INPP5B: variants seen among roughly 807,000 people sequenced by gnomAD.
The protein encoded by INPP5B is inositol polyphosphate-5-phosphatase B.
A neutral mutation model predicts 118.5 loss-of-function variants in INPP5B; 90 were observed. That is an observed-to-expected ratio of 0.76 (90% CI 0.64 to 0.90). The LOEUF (loss-of-function observed/expected upper bound fraction) is 0.90. Ranked by LOEUF, INPP5B falls within the 40% of genes least tolerant of loss-of-function variation. The probability of loss-of-function intolerance (pLI) is 0.00; values close to 1 mark genes in which losing one functional copy is unlikely to be tolerated. For missense variants in INPP5B, 984 were observed against 1,125.6 expected (o/e 0.87, Z 1.80); for synonymous variants, 385 against 418.9 (o/e 0.92, Z 0.99).
intron 18 of INPP5B, among the ~76,000 whole-genome samples, chr1:37,873,541 A>T (rs552648183): frequency 6.6e-6 from 1 of 152,300 alleles, no homozygotes; most frequent in African/African-American, 2.4e-5. Flanking sequence ...TCGGCCTGTG[A>T]ATTGTCCACA....
Position 37,874,156 on chromosome 1 carries a change from C to A in INPP5B, c.1789-1G>T. 1 of 1,559,042 alleles carries A rather than the reference C, an allele frequency of 6.4e-7. No homozygotes were observed. Among genetic ancestry groups the A allele is most frequent in the Non-Finnish European group, 8.8e-7 (1 of 1,139,722 alleles). ...TGTACTTCACATTCTGAAAACAGAA[C>A]TGGGAAGAAGCCCGGGGCCAGTGAA... On this transcript the variant is annotated splice_acceptor_variant, in intron 17 of 23. Coordinates refer to ENST00000373024, the MANE Select transcript of INPP5B (RefSeq NM_005540.3). LOFTEE classifies it high-confidence loss of function.
chr1:37,866,404 T>TCACACACACA lies in INPP5B; in HGVS notation c.2386+54_2386+55insTGTGTGTGTG, dbSNP rs1491111834. ...CTCATATTCTCTCTCTCTCTCTCTC[T>TCACACACACA]CTCACACACACACACACACACACAC... On this transcript the variant is annotated intron_variant, in intron 21 of 23. Transcript: ENST00000373024. 3.0e-3 allele frequency: 1,100 copies of TCACACACACA among 366,142 alleles called. 3 individuals carry two copies. Among genetic ancestry groups the TCACACACACA allele is most frequent in the African/African-American group, 0.016 (468 of 28,376 alleles). The allele number at this position is 366,142 out of a possible 1,614,324, so 22.7% of individuals were successfully genotyped here. A position where few individuals can be genotyped will look rare whatever the true frequency, so the allele number is the denominator to read the frequency against.
intron 6 of INPP5B, among the ~76,000 whole-genome samples, chr1:37,938,355 T>C (rs1036508933): frequency 1.3e-5 from 2 of 152,140 alleles, no homozygotes; most frequent in Non-Finnish European, 2.9e-5. Context: ...AATGAGATAA[T>C]GTGTGAAAAG....
At chr1:37,900,091 T>G (rs1287020468) in intron 7 of INPP5B, among the ~76,000 whole-genome samples, 2 of 148,830 alleles carry the variant, frequency 1.3e-5, no homozygotes, top group East Asian at 4.0e-4. Context: ...TTTTTTTTTT[T>G]TTTTGAGACA....
Position 37,888,337 on chromosome 1 carries a change from C to A in INPP5B, c.805G>T (p.Ala269Ser). 6.5e-7 allele frequency: 1 copy of A among 1,528,380 alleles called. No homozygotes were observed. Among genetic ancestry groups the A allele is most frequent in the Non-Finnish European group, 8.8e-7 (1 of 1,138,206 alleles). 94.7% of individuals were successfully genotyped at this position (1,528,380 alleles called of 1,614,324 possible). ...TGCCCATTTACATTGTATGTTCCCG[C>A]AAAAAACCTGTCACCAAAGAGAAAT... ...YTYIQNFRFFAGTYNVNGQSP... is the reference protein window; with the variant it reads ...YTYIQNFRFFSGTYNVNGQSP... Residue 269 changes from alanine to serine, a missense_variant, in exon 10 of 24, where the codon GCG becomes TCG. Coordinates refer to ENST00000373024, the MANE Select transcript of INPP5B (RefSeq NM_005540.3).
chr1:37,877,961 A>G (rs1386630489), intron 16 of INPP5B, among the ~76,000 whole-genome samples: 1 of 152,230 alleles, frequency 6.6e-6, no homozygotes, highest in Non-Finnish European at 1.5e-5. Context: ...AAGGTCTGCA[A>G]AGAGACAGTT....
intron 7 of INPP5B, among the ~76,000 whole-genome samples, chr1:37,921,165 T>G (rs928423646): frequency 6.6e-6 from 1 of 152,114 alleles, no homozygotes; most frequent in Non-Finnish European, 1.5e-5. Flanking sequence ...TGTGACACAG[T>G]GTAAGGCCCA....
intron 9 of INPP5B, among the ~76,000 whole-genome samples, 187 bp from the exon 10 acceptor site, chr1:37,888,531 GTTAC>G (rs1183823817): frequency 6.6e-6 from 1 of 152,156 alleles, no homozygotes; most frequent in Non-Finnish European, 1.5e-5. Context: ...CATGGTATCT[GTTAC>G]TTTTGTGATA....
rs554706510 is a variant in INPP5B at position 37,863,423 on chromosome 1, G to A, written c.2626+889C>T. Among the ~76,000 whole-genome samples the A allele has an allele frequency of 7.7e-4, 117 of 152,170 alleles. 1 individual carries two copies. The highest frequency in any genetic ancestry group is 2.7e-3 in the African/African-American group (113 of 41,518). ...CCAGCTACTCGGGAGGCTGAGGCAG[G>A]AGAATTGCTTGAACCCGGGTGGCGG... On this transcript the variant is annotated intron_variant, in intron 23 of 23. Coordinates refer to ENST00000373024, the MANE Select transcript of INPP5B (RefSeq NM_005540.3).
At chr1:37,899,477 GC>G (rs901350294) in intron 7 of INPP5B, among the ~76,000 whole-genome samples, 2 of 151,510 alleles carry the variant, frequency 1.3e-5, no homozygotes, top group Non-Finnish European at 2.9e-5. Context: ...CAAGAAAATC[GC>G]TTGAACCTGG....
intron 23 of INPP5B, among the ~76,000 whole-genome samples, 163 bp downstream of exon 23, chr1:37,864,149 G>A (rs1641884274): frequency 6.6e-6 from 1 of 151,886 alleles, no homozygotes; most frequent in African/African-American, 2.4e-5. Context: ...GTTAGGAGTG[G>A]GGAGGAGTGT....
intron 7 of INPP5B, among the ~76,000 whole-genome samples, chr1:37,899,631 A>G (rs1381631849): frequency 6.6e-6 from 1 of 152,208 alleles, no homozygotes; most frequent in Non-Finnish European, 1.5e-5. Context: ...AGTTCTACTT[A>G]AGTAGTTAGG....
intron 7 of INPP5B, among the ~76,000 whole-genome samples, chr1:37,894,012 A>T (rs1393600561): frequency 6.6e-6 from 1 of 152,212 alleles, no homozygotes; most frequent in Non-Finnish European, 1.5e-5. Flanking sequence ...CAACTGTTCA[A>T]CTCTGCTGCT....
intron 6 of INPP5B, among the ~76,000 whole-genome samples, chr1:37,937,937 C>T (rs1457463668): frequency 1.4e-5 from 2 of 144,526 alleles, no homozygotes; most frequent in Admixed American, 7.0e-5. Flanking sequence ...CATTGCACTC[C>T]AGCCCAGATG....
chr1:37,943,002 T>C (rs1645989413), intron 5 of INPP5B, among the ~76,000 whole-genome samples: 1 of 151,298 alleles, frequency 6.6e-6, no homozygotes, highest in Admixed American at 6.6e-5. Context: ...TTTTGGGGGT[T>C]TTTTGTTTGT....
At chr1:37,930,338 C>A (rs1321003943) in intron 7 of INPP5B, 1 of 152,252 alleles carries the variant, frequency 6.6e-6, no homozygotes, top group Non-Finnish European at 1.5e-5. Flanking sequence ...CTGCACATTT[C>A]TCAGTCGGGG....
At chr1:37,906,946 A>G (rs1191428502) in intron 7 of INPP5B, among the ~76,000 whole-genome samples, 1 of 152,090 alleles carries the variant, frequency 6.6e-6, no homozygotes, top group South Asian at 2.1e-4. Flanking sequence ...TTTTCCTGCA[A>G]TTTAGACTGA....
intron 7 of INPP5B, among the ~76,000 whole-genome samples, chr1:37,901,686 C>T (rs1313852082): frequency 1.3e-5 from 2 of 152,130 alleles, no homozygotes; most frequent in African/African-American, 4.8e-5. Flanking sequence ...CCTATGGAAA[C>T]TTTAAGGCAT....
chr1:37,943,294 T>A (rs1348205328), intron 5 of INPP5B, among the ~76,000 whole-genome samples: 2 of 152,010 alleles, frequency 1.3e-5, no homozygotes, highest in Non-Finnish European at 2.9e-5. Context: ...CTGGCCTAAT[T>A]TCAGGGGTTT....
Sources: gnomAD v4.1 joint callset for allele counts (sites outside exome capture counted in the v4.1 genomes callset) on GRCh38, gnomAD v4.1.1 for gene constraint, MANE v1.5 for transcripts, NCBI Gene and HGNC (gene_info 2026-07-23, HGNC 2026-07-21) for gene names.